Variants in MBNL3 observed in about 807,000 individuals in gnomAD.
The protein encoded by MBNL3 is muscleblind like splicing regulator 3.
In MBNL3, 6 loss-of-function variants were observed where a neutral mutation model predicts 24.5. The observed-to-expected ratio is 0.25, with a 90% CI of 0.13 to 0.48. The LOEUF is 0.48. Among genes scored for constraint, MBNL3 ranks in the 20% least tolerant of loss-of-function variants. MBNL3 has a pLI of 0.99. For missense variants in MBNL3, 230 were observed against 293.5 expected (o/e 0.78, Z 1.58); for synonymous variants, 100 against 101.7 (o/e 0.98, Z 0.10).
Position 132,373,781 on chromosome X carries a change from T to C in MBNL3, c.*5885A>G, listed in dbSNP as rs1933854189. ...TGGCAGAGATGGTCAGATTGAAACA[T>C]TGTCTTCCAGCTCCTGTGTTACGTA... is the stretch of plus-strand genomic sequence containing the variant. On this transcript the variant is annotated 3_prime_UTR_variant, in exon 9 of 9. Coordinates refer to ENST00000370853, the MANE Select transcript of MBNL3 (RefSeq NM_001386889.1). 9.0e-6 allele frequency: 1 copy of C among 111,667 alleles called. No homozygotes were observed. Among genetic ancestry groups the C allele is most frequent in the Admixed American group, 9.5e-5 (1 of 10,502 alleles). The allele number at this position is 111,667 out of a possible 1,213,427, so 9.2% of individuals were successfully genotyped here.
intron 1 of MBNL3, among the ~76,000 whole-genome samples, chrX:132,470,300 A>G (rs908454956): frequency 1.3e-4 from 14 of 111,664 alleles, no homozygotes; most frequent in Non-Finnish European, 2.6e-4. Flanking sequence ...ACATGATCAG[A>G]GTTATATCCT....
chrX:132,411,520 G>A, intron 2 of MBNL3: 2 of 585,785 alleles, frequency 3.4e-6, no homozygotes, highest in South Asian at 1.8e-4. Flanking sequence ...AAGGCCAAAG[G>A]GGTGGGGTGA....
At chrX:132,474,312 C>G (rs1414981997) in intron 1 of MBNL3, among the ~76,000 whole-genome samples, 1 of 111,501 alleles carries the variant, frequency 9.0e-6, no homozygotes, top group Admixed American at 9.5e-5. Context: ...TTCCCCAACC[C>G]TCTCTTTCAT....
intron 3 of MBNL3, among the ~76,000 whole-genome samples, chrX:132,395,387 ACTGAC>A (rs1301932391): frequency 8.9e-6 from 1 of 111,934 alleles, no homozygotes; most frequent in Non-Finnish European, 1.9e-5. Context: ...TTTTAACTAT[ACTGAC>A]TCTGATTTAT....
intron 5 of MBNL3, among the ~76,000 whole-genome samples, chrX:132,388,016 A>G (rs2148084034): frequency 9.0e-6 from 1 of 111,452 alleles, no homozygotes; most frequent in East Asian, 2.8e-4. Flanking sequence ...TGTCCCAGCA[A>G]CAACAATTAG....
chrX:132,450,068 G>A (rs1239252446), intron 1 of MBNL3, among the ~76,000 whole-genome samples: 2 of 96,053 alleles, frequency 2.1e-5, no homozygotes, highest in African/African-American at 3.9e-5. Flanking sequence ...CGGGTAACCC[G>A]ACCTTTCTCT....
intron 2 of MBNL3, chrX:132,413,574 C>T (rs149102087): frequency 2.7e-6 from 3 of 1,118,658 alleles, no homozygotes; most frequent in African/African-American, 3.7e-5. Context: ...ACTCTCAGCC[C>T]CAGCTTACCT....
intron 2 of MBNL3, among the ~76,000 whole-genome samples, chrX:132,429,431 C>CA (rs1944561216): frequency 8.9e-6 from 1 of 112,046 alleles, no homozygotes; most frequent in African/African-American, 3.2e-5. Context: ...GGAGCAGAGA[C>CA]AGCTCAGTGT....
chrX:132,402,442 A>G (rs1445858863), intron 3 of MBNL3, among the ~76,000 whole-genome samples: 1 of 112,143 alleles, frequency 8.9e-6, no homozygotes, highest in African/African-American at 3.2e-5. Flanking sequence ...AAAATTTTAA[A>G]ACATTAGCTT....
rs1251104513 is a variant in MBNL3, at chrX:132,392,199, G to A, written c.478C>T (p.Pro160Ser). The change falls in exon 4 of 9, where the codon CCT (proline) becomes TCT (serine). Residue 160 changes from proline to serine, a missense_variant. Coordinates refer to ENST00000370853, the MANE Select transcript of MBNL3 (RefSeq NM_001386889.1). ...CCAACAGCTCCTGGCATTGCAAGAG[G>A]TGGGTTTCCAGGAATCAGAACAGGT... ...NTPVLIPGNP[P>S]LAMPGAVGPK... 1 of 1,210,038 alleles carries A rather than the reference G, an allele frequency of 8.3e-7. No individual in the cohort carries two copies. The highest frequency in any genetic ancestry group is 1.1e-6 in the Non-Finnish European group (1 of 894,748).
chrX:132,446,524 CAT>C (rs756266748), intron 1 of MBNL3, among the ~76,000 whole-genome samples: 79 of 112,293 alleles, frequency 7.0e-4, no homozygotes, highest in Non-Finnish European at 1.3e-3. Flanking sequence ...AGCTTTTTTT[CAT>C]ATGTTTGTTG....
chrX:132,456,537 A>G (rs1353051410), intron 1 of MBNL3, among the ~76,000 whole-genome samples: 1 of 112,120 alleles, frequency 8.9e-6, no homozygotes, highest in Non-Finnish European at 1.9e-5. Flanking sequence ...GGCATTTTAT[A>G]TTCATTTTCT....
chrX:132,412,986 A>G (rs1942938136), intron 2 of MBNL3, among the ~76,000 whole-genome samples: 1 of 112,636 alleles, frequency 8.9e-6, no homozygotes, highest in Non-Finnish European at 1.9e-5. Flanking sequence ...TCAAGAATGG[A>G]AAAAAAGGGA....
intron 1 of MBNL3, among the ~76,000 whole-genome samples, chrX:132,483,689 T>C (rs1391465805): frequency 8.9e-6 from 1 of 112,345 alleles, no homozygotes; most frequent in East Asian, 2.8e-4. Context: ...TTGCAAGCGC[T>C]AAACCTAAAG....
In MBNL3 at chrX:132,488,974, G is replaced by C. The variant is rs778518094; in HGVS notation, c.-827C>G. On this transcript the variant is annotated 5_prime_UTR_variant, in exon 1 of 9. Transcript: ENST00000370853. ...GGCAGAAGCAAAAGCAGCGCTGCGC[G>C]AGGTGGCCCCGGTGCCGGGAGAGCC... 2 of 113,450 alleles carry C rather than the reference G, an allele frequency of 1.8e-5. No individual in the cohort carries two copies. Among genetic ancestry groups the C allele is most frequent in the African/African-American group, 3.2e-5 (1 of 31,249 alleles). 9.3% of individuals were successfully genotyped at this position (113,450 alleles called of 1,213,427 possible).
At chrX:132,388,354 C>T (rs190947059) in intron 5 of MBNL3, among the ~76,000 whole-genome samples, 3 of 112,304 alleles carry the variant, frequency 2.7e-5, no homozygotes, top group East Asian at 2.8e-4. Flanking sequence ...TCTATCATTT[C>T]GAATGCCTTT....
At chrX:132,461,732 CA>C (rs768974484) in intron 1 of MBNL3, among the ~76,000 whole-genome samples, 1 of 111,197 alleles carries the variant, frequency 9.0e-6, no homozygotes, top group East Asian at 2.8e-4. Context: ...TCTATGTAAA[CA>C]AAAAAATAAT....
At chrX:132,434,140 A>G (rs1481361383) in intron 2 of MBNL3, among the ~76,000 whole-genome samples, 1 of 112,325 alleles carries the variant, frequency 8.9e-6, no homozygotes, top group Admixed American at 9.4e-5. Context: ...TTCACGGCTA[A>G]GTCCCAAGGC....
At position 132,439,684 on chromosome X, in the gene MBNL3, A is replaced by G; in HGVS notation, c.-73T>C. The G allele has an allele frequency of 9.3e-7, 1 of 1,076,408 alleles. No homozygotes were observed. Among genetic ancestry groups the G allele is most frequent in the Non-Finnish European group, 1.2e-6 (1 of 828,034 alleles). 88.7% of individuals were successfully genotyped at this position (1,076,408 alleles called of 1,213,427 possible). ...ACTGTGGACTATTAAAGGATTAAAA[A>G]TGAATTCAAACTAAGTGCGAAGAGA... On this transcript the variant is annotated 5_prime_UTR_variant, in exon 2 of 9. Transcript: ENST00000370853.
Sources: gnomAD v4.1 joint callset for allele counts (sites outside exome capture counted in the v4.1 genomes callset) on GRCh38, gnomAD v4.1.1 for gene constraint, MANE v1.5 for transcripts, NCBI Gene and HGNC (gene_info 2026-07-23, HGNC 2026-07-21) for gene names.